NDUFS7: variants seen among roughly 807,000 people sequenced by gnomAD.
NDUFS7 encodes NADH dehydrogenase [ubiquinone] iron-sulfur protein 7, mitochondrial.
Under a neutral mutation model 31.1 loss-of-function variants are expected in NDUFS7, and 11 were observed. The observed-to-expected ratio is 0.35, with a 90% confidence interval of 0.22 to 0.59. The LOEUF is 0.59. Ranked by LOEUF, NDUFS7 falls within the 20% of genes least tolerant of loss-of-function variation. The pLI is 0.79. For synonymous variants in NDUFS7, 136 were observed against 127.9 expected, an observed-to-expected ratio of 1.06 and a Z score of -0.43; for missense variants, 263 against 324.2, an observed-to-expected ratio of 0.81 and a Z score of 1.45.
At chr19:1,389,215 A>C in intron 4 of NDUFS7, 1 of 677,208 alleles carries the variant, frequency 1.5e-6, no homozygotes, top group Non-Finnish European at 2.7e-6. Context: ...GCTTGCACAC[A>C]TACACACATG....
In NDUFS7 at chr19:1,390,930, G is replaced by A. The variant is rs1249011397; in HGVS notation, c.288G>A (p.Met96Ile). 6.2e-7 allele frequency: 1 copy of A among 1,612,094 alleles called. No homozygotes were observed. The highest frequency in any genetic ancestry group is 1.7e-5 in the Admixed American group (1 of 60,002). The part of the protein sequence containing the change: ...LACCAVEMMH[M>I]AAPRYDMDRF... ...GCTGCGCCGTGGAGATGATGCACAT[G>A]GCAGCACCCCGCTACGACATGGACC... The change falls in exon 5 of 8, where the codon ATG becomes ATA. Residue 96 changes from methionine (M) to isoleucine (I), a missense_variant. Physicochemically the swap from Met to Ile is conservative, Grantham distance 10. Transcript: ENST00000233627.
Position 1,393,341 on chromosome 19 carries a change from G to A in NDUFS7, c.544+11G>A. On this transcript the variant is annotated intron_variant, in intron 7 of 7. Transcript: ENST00000233627. This position sits in a 1 kb window ranked among gnomAD's most constrained non-coding sequence, Gnocchi z 7.3. ...ACATCTACATCCCAGGTAGGGCCGG[G>A]ACCGCACCGCCCACGAGGGAGCTGG... The A allele has an allele frequency of 1.0e-5, 16 of 1,562,118 alleles. No homozygotes were observed. Among genetic ancestry groups the A allele is most frequent in the Non-Finnish European group, 1.3e-5 (15 of 1,154,560 alleles).
intron 4 of NDUFS7, chr19:1,389,141 A>G (rs1424980717): frequency 2.8e-6 from 2 of 703,768 alleles, no homozygotes; most frequent in South Asian, 1.5e-5. Flanking sequence ...CACAATGCAC[A>G]TATGCACACT....
chr19:1,395,267 G>A (rs1434784625), intron 7 of NDUFS7, 124 bp from the exon 8 acceptor site: 4 of 1,478,306 alleles, frequency 2.7e-6, no homozygotes, highest in Non-Finnish European at 3.6e-6. Flanking sequence ...CCCACCCAGG[G>A]CTGTCAGCCT....
intron 1 of NDUFS7, chr19:1,386,606 C>T (rs559370736): frequency 6.6e-6 from 1 of 152,364 alleles, no homozygotes; most frequent in African/African-American, 2.4e-5. Flanking sequence ...AAGTGATTCT[C>T]CTGCCTCAGC....
intron 1 of NDUFS7, among the ~76,000 whole-genome samples, chr19:1,384,789 G>A (rs1272792567): frequency 1.3e-5 from 2 of 152,182 alleles, no homozygotes; most frequent in African/African-American, 2.4e-5. Context: ...TAATACTGCC[G>A]TATTTTGTTG....
chr19:1,383,957 G>T lies in NDUFS7; in HGVS notation c.16+15G>T. On this transcript the variant is annotated intron_variant, in intron 1 of 7. Coordinates refer to ENST00000233627, the MANE Select transcript of NDUFS7 (RefSeq NM_024407.5). The stretch of plus-strand genomic sequence containing the variant: ...GGTGCTGTCAGGTGAGCGCGGCACC[G>T]GCGGCGGGTGTGGGGCCGCGCGGGT... 2 of 1,565,392 alleles carry T rather than the reference G, an allele frequency of 1.3e-6. No individual in the cohort carries two copies. The highest frequency in any genetic ancestry group is 1.2e-5 in the South Asian group (1 of 85,168).
chr19:1,394,509 C>T lies in NDUFS7; in HGVS notation c.545-882C>T, dbSNP rs1343722174. The T allele has an allele frequency of 2.2e-5, 28 of 1,246,354 alleles. No individual in the cohort carries two copies. The Admixed American group carries it at 2.7e-4, about 12-fold the overall frequency. 77.2% of individuals were successfully genotyped at this position (1,246,354 alleles called of 1,614,324 possible). A position where few individuals can be genotyped will look rare whatever the true frequency, so the allele number is the denominator to read the frequency against. The stretch of plus-strand genomic sequence containing the variant: ...ACTGCGCTCCTCCCTCCTTGGGGAC[C>T]GTGCTCCTCCCTCCCTCCCTGCGGA... On this transcript the variant is annotated intron_variant, in intron 7 of 7. Transcript: ENST00000233627.
At chr19:1,388,793 C>T (rs749786231) in intron 3 of NDUFS7, 40 bp from the exon 4 acceptor site, 22 of 1,550,910 alleles carry the variant, frequency 1.4e-5, no homozygotes, top group Non-Finnish European at 1.7e-5. Context: ...GAAGCACCTG[C>T]GTGGCTGACG....
rs1214765624 is a variant in NDUFS7, at chr19:1,391,046, G to T, written c.404G>T (p.Arg135Leu). ...ACCAACAAGATGGCCCCAGCGCTTC[G>T]CAAGGTAGGCCTCGTCCCAGCCGCC... ...TLTNKMAPAL[R>L]KVYDQMPEPR... Residue 135 changes from arginine (R) to leucine (L), a missense_variant, in exon 5 of 8, where the codon CGC becomes CTC. Transcript: ENST00000233627. 6.2e-7 allele frequency: 1 copy of T among 1,613,272 alleles called. No homozygotes were observed. Among genetic ancestry groups the T allele is most frequent in the Non-Finnish European group, 8.5e-7 (1 of 1,179,880 alleles).
chr19:1,389,472 G>C, intron 4 of NDUFS7: 1 of 457,500 alleles, frequency 2.2e-6, no homozygotes, highest in South Asian at 1.5e-5. Flanking sequence ...TGCTGGCCTG[G>C]TGGCCTGTGG....
chr19:1,393,306 G>T lies in NDUFS7; in HGVS notation c.520G>T (p.Val174Leu). 1 of 1,586,702 alleles carries T rather than the reference G, an allele frequency of 6.3e-7. No individual in the cohort carries two copies. The highest frequency in any genetic ancestry group is 8.6e-7 in the Non-Finnish European group (1 of 1,167,698). ...GGTGGTGAGGGGCTGCGACCGCATCGTGCCCGTGGACATCTACATCCCAGG... is the reference window on the plus strand; with the variant it reads ...GGTGGTGAGGGGCTGCGACCGCATCTTGCCCGTGGACATCTACATCCCAGG... ...YSVVRGCDRI[V>L]PVDIYIPGCP... is the part of the protein sequence containing the mutation. The change falls in exon 7 of 8, where the codon GTG (valine) becomes TTG (leucine). Residue 174 changes from valine to leucine, a missense_variant. Transcript: ENST00000233627. This position sits in a 1 kb window ranked among gnomAD's most constrained non-coding sequence, Gnocchi z 7.3.
At chr19:1,383,978 CG>C in intron 1 of NDUFS7, 36 bp downstream of exon 1, 1 of 1,552,536 alleles carries the variant, frequency 6.4e-7, no homozygotes. Context: ...TGGGGCCGCG[CG>C]GGTCTGGGGC....
rs768544624 is a variant in NDUFS7, at chr19:1,383,960, GGCGGGTGTGGGGCCGC to G, written c.16+25_16+40del. 3 of 1,563,202 alleles carry G rather than the reference GGCGGGTGTGGGGCCGC, an allele frequency of 1.9e-6. No individual in the cohort carries two copies. The African/African-American group carries it at 4.1e-5, about 21-fold the overall frequency. On this transcript the variant is annotated intron_variant, in intron 1 of 7. Transcript: ENST00000233627. Reference sequence around the variant, plus strand: ...GCTGTCAGGTGAGCGCGGCACCGGCGGCGGGTGTGGGGCCGCGCGGGTCTGGGGCCGTGGGAGCCTC... The same window carrying G: ...GCTGTCAGGTGAGCGCGGCACCGGCGGCGGGTCTGGGGCCGTGGGAGCCTC...
intron 2 of NDUFS7, 77 bp downstream of exon 2, chr19:1,387,924 G>GGGGGC: frequency 4.6e-6 from 2 of 437,022 alleles, no homozygotes; most frequent in Non-Finnish European, 9.0e-6. Flanking sequence ...GGGGGGTGGG[G>GGGGGC]GGTGGGGGGA....
In NDUFS7 at chr19:1,390,894, C is replaced by T. The variant is rs372552847; in HGVS notation, c.252C>T (p.Phe84=). The T allele has an allele frequency of 5.5e-5, 88 of 1,610,448 alleles. No homozygotes were observed. The highest frequency in any genetic ancestry group is 6.4e-5 in the Non-Finnish European group (75 of 1,179,842). The change falls in exon 5 of 8, where the codon TTC becomes TTT. Residue 84 remains phenylalanine, a synonymous_variant. Coordinates refer to ENST00000233627, the MANE Select transcript of NDUFS7 (RefSeq NM_024407.5). The part of the protein sequence containing the change: ...ARRSSLWPMT[F]GLACCAVEMM... ...AGAGTTCTCTGTGGCCCATGACCTT[C>T]GGCCTGGCCTGCTGCGCCGTGGAGA...
Position 1,395,523 on chromosome 19 carries a change from C to G in NDUFS7, c.*35C>G. 6.4e-7 allele frequency: 1 copy of G among 1,553,906 alleles called. No individual in the cohort carries two copies. The highest frequency in any genetic ancestry group is 8.7e-7 in the Non-Finnish European group (1 of 1,148,880). On this transcript the variant is annotated 3_prime_UTR_variant, in exon 8 of 8. Transcript: ENST00000233627. ...CGCCGCCGCCGGAGCCTGTCGCCGTCCTGTCCCCAGCCTGCTTGTGTCCCG... is the reference window on the plus strand; with the variant it reads ...CGCCGCCGCCGGAGCCTGTCGCCGTGCTGTCCCCAGCCTGCTTGTGTCCCG...
intron 2 of NDUFS7, 167 bp from the exon 3 acceptor site, chr19:1,388,358 C>A: frequency 1.5e-6 from 1 of 676,664 alleles, no homozygotes; most frequent in South Asian, 1.7e-5. Flanking sequence ...GGGGTCGGGG[C>A]GATGGCCGCA....
At chr19:1,391,371 C>G (rs759533286) in intron 6 of NDUFS7, among the ~76,000 whole-genome samples, 1 of 152,222 alleles carries the variant, frequency 6.6e-6, no homozygotes, top group Non-Finnish European at 1.5e-5. Flanking sequence ...CATCCACCCC[C>G]ACGCAGCAGA....
Sources: gnomAD v4.1 joint callset for allele counts (sites outside exome capture counted in the v4.1 genomes callset) on GRCh38, gnomAD v4.1.1 for gene constraint, Gnocchi (gnomAD v3.1) non-coding constraint, MANE v1.5 for transcripts, NCBI Gene and HGNC (gene_info 2026-07-23, HGNC 2026-07-21) for gene names.